AGBL1: variants seen among roughly 807,000 people sequenced by gnomAD.
AGBL1 encodes the protein AGBL carboxypeptidase 1, also known as cytosolic carboxypeptidase 4.
AGBL1 carries 130 observed loss-of-function variants against 118.9 expected under a neutral mutation model. That is an observed-to-expected ratio of 1.09 (90% CI 0.95 to 1.26). The LOEUF (loss-of-function observed/expected upper bound fraction) is 1.26, where lower values mean the gene tolerates loss of function less well. AGBL1 is among the 50% of genes most tolerant of loss of function. AGBL1 has a pLI of 0.00. For synonymous variants in AGBL1, 555 were observed against 478.9 expected (o/e 1.16, Z -2.08); for missense variants, 1,584 against 1,298.1 (o/e 1.22, Z -3.38).
At chr15:86,153,695 T>G (rs1026020109) in intron 3 of AGBL1, among the ~76,000 whole-genome samples, 34 of 152,342 alleles carry the variant, frequency 2.2e-4, no homozygotes, top group African/African-American at 7.2e-4. Context: ...GATAATTTTA[T>G]TTTCTTAACA....
chr15:86,755,280 C>G (rs968154453), intron 22 of AGBL1, among the ~76,000 whole-genome samples: 3 of 152,080 alleles, frequency 2.0e-5, no homozygotes, highest in Admixed American at 2.0e-4. Context: ...TGAAAACACT[C>G]TACAGTATAG....
intron 22 of AGBL1, among the ~76,000 whole-genome samples, chr15:86,836,465 G>A (rs1011972037): frequency 2.6e-5 from 4 of 152,078 alleles, no homozygotes; most frequent in African/African-American, 4.8e-5. Flanking sequence ...CAGACACACC[G>A]ACATCAGGCA....
At chr15:86,281,096 A>G (rs2079345300) in intron 16 of AGBL1, among the ~76,000 whole-genome samples, 1 of 152,174 alleles carries the variant, frequency 6.6e-6, no homozygotes, top group Non-Finnish European at 1.5e-5. Flanking sequence ...TGAAAAGTCT[A>G]CTGTGGGCTG....
chr15:86,808,790 T>C (rs16978012), intron 22 of AGBL1, among the ~76,000 whole-genome samples: 4,959 of 151,854 alleles, frequency 0.033, 205 homozygotes, highest in East Asian at 0.086. Flanking sequence ...TCCATTCTCA[T>C]CTGGATCATG....
intron 5 of AGBL1, among the ~76,000 whole-genome samples, chr15:86,199,262 G>C (rs2077866378): frequency 6.6e-6 from 1 of 152,148 alleles, no homozygotes; most frequent in Non-Finnish European, 1.5e-5. Context: ...CAGTATGGGA[G>C]AATGTTGCGT....
intron 19 of AGBL1, 87 bp downstream of exon 19, chr15:86,523,026 G>A: frequency 1.4e-6 from 2 of 1,474,386 alleles, no homozygotes; most frequent in East Asian, 2.3e-5. Flanking sequence ...GGCAAGAATA[G>A]ACAATGACCA....
chr15:86,787,763 T>A (rs1381129243), intron 22 of AGBL1, among the ~76,000 whole-genome samples: 2 of 152,214 alleles, frequency 1.3e-5, no homozygotes, highest in Non-Finnish European at 2.9e-5. Flanking sequence ...GAGAGATTGC[T>A]GGGTCATATG....
intron 22 of AGBL1, among the ~76,000 whole-genome samples, chr15:86,830,926 C>A (rs1567196741): frequency 1.3e-5 from 2 of 152,120 alleles, no homozygotes; most frequent in Non-Finnish European, 2.9e-5. Flanking sequence ...AAGACATACC[C>A]AAGACTGGGT....
At chr15:86,818,424 A>C (rs1391273543) in intron 22 of AGBL1, among the ~76,000 whole-genome samples, 1 of 152,204 alleles carries the variant, frequency 6.6e-6, no homozygotes, top group Non-Finnish European at 1.5e-5. Flanking sequence ...CAAGGAATCC[A>C]GGTTGCATGC....
intron 23 of AGBL1, among the ~76,000 whole-genome samples, chr15:86,983,626 C>A (rs1428795059): frequency 1.3e-5 from 2 of 152,088 alleles, no homozygotes; most frequent in Non-Finnish European, 2.9e-5. Flanking sequence ...AGTATATATA[C>A]CCATAATCAA....
rs539624004 is a variant in AGBL1, at chr15:86,758,268, A to G, written c.3158+83832A>G. 9.9e-5 allele frequency among the ~76,000 whole-genome samples: 15 copies of G among 152,052 alleles called. No individual in the cohort carries two copies. The East Asian group carries it at 1.8e-3, about 18-fold the overall frequency. On this transcript the variant is annotated intron_variant, in intron 22 of 22. Transcript: ENST00000614907. ...TAAACACTCCAAGCTCCTTCCTTCT[A>G]CAAGGTCTTTGCATAGTTTCTGCCT... is the stretch of plus-strand genomic sequence containing the variant.
intron 21 of AGBL1, among the ~76,000 whole-genome samples, chr15:86,625,365 G>GTTT (rs1176940848): frequency 1.1e-4 from 13 of 123,060 alleles, no homozygotes; most frequent in African/African-American, 3.1e-4. Flanking sequence ...AGAAATTAGC[G>GTTT]TTTTTTTTTT....
chr15:86,416,903 G>T (rs929003264), intron 18 of AGBL1, among the ~76,000 whole-genome samples: 1 of 152,186 alleles, frequency 6.6e-6, no homozygotes, highest in African/African-American at 2.4e-5. Flanking sequence ...CAAGTCAAAA[G>T]ACAATGGACT....
chr15:86,572,017 G>T (rs1398054710), intron 21 of AGBL1, among the ~76,000 whole-genome samples: 1 of 152,198 alleles, frequency 6.6e-6, no homozygotes, highest in Admixed American at 6.5e-5. Context: ...TCCTGAGGGG[G>T]CCAAGCCGGC....
chr15:86,883,224 G>A (rs187183628), intron 22 of AGBL1, among the ~76,000 whole-genome samples: 1 of 152,274 alleles, frequency 6.6e-6, no homozygotes, highest in African/African-American at 2.4e-5. Flanking sequence ...ATAAAATGGA[G>A]TGTGCTTCAG....
chr15:86,118,276 C>T (rs1897882756), intron 1 of AGBL1, among the ~76,000 whole-genome samples: 1 of 152,074 alleles, frequency 6.6e-6, no homozygotes, highest in Admixed American at 6.5e-5. Context: ...TAAAGGCTGG[C>T]AGAGGAGAAT....
chr15:86,516,527 C>T (rs910384895), intron 18 of AGBL1, among the ~76,000 whole-genome samples: 5 of 152,136 alleles, frequency 3.3e-5, no homozygotes, highest in Admixed American at 6.5e-5. Context: ...TGGCTGGGTG[C>T]GGTGGCTGAC....
chr15:86,172,516 C>G (rs546856272), intron 5 of AGBL1, among the ~76,000 whole-genome samples: 1 of 152,292 alleles, frequency 6.6e-6, no homozygotes, highest in East Asian at 1.9e-4. Flanking sequence ...TTCCCCACTC[C>G]CAGCCTCTGG....
chr15:86,393,651 CCTAG>C (rs149672547), intron 17 of AGBL1, among the ~76,000 whole-genome samples: 4,481 of 152,230 alleles, frequency 0.029, 104 homozygotes, highest in African/African-American at 0.063. Context: ...TTCAGTTGTG[CCTAG>C]CTAGCTAACT....
Sources: allele counts gnomAD v4.1 joint callset (sites outside exome capture counted in the v4.1 genomes callset), GRCh38; gene constraint gnomAD v4.1.1; transcripts MANE v1.5; gene names NCBI Gene and HGNC (gene_info 2026-07-23, HGNC 2026-07-21).